PTPRG: variants seen among roughly 807,000 people sequenced by gnomAD.
PTPRG encodes protein tyrosine phosphatase receptor type G, also known as receptor-type tyrosine-protein phosphatase gamma.
In PTPRG, 102 loss-of-function variants were observed where a neutral mutation model predicts 165.3. The ratio of observed to expected loss-of-function variants is 0.62; its 90% confidence interval spans 0.53 to 0.73. The LOEUF is 0.73. Among genes scored for constraint, PTPRG ranks in the 30% least tolerant of loss-of-function variants. PTPRG has a pLI of 0.00. For synonymous variants in PTPRG, 675 were observed against 669.5 expected (o/e 1.01, Z -0.13); for missense variants, 1,866 against 1,861.4 (o/e 1.00, Z -0.05).
At chr3:62,292,720 A>G in intron 29 of PTPRG, 164 bp downstream of exon 29, 1 of 704,620 alleles carries the variant, frequency 1.4e-6, no homozygotes, top group Non-Finnish European at 2.3e-6. Context: ...GATGGCATCT[A>G]GAGGATACAA....
intron 3 of PTPRG, among the ~76,000 whole-genome samples, chr3:61,991,675 C>T (rs551021671): frequency 7.9e-5 from 12 of 152,278 alleles, no homozygotes; most frequent in Non-Finnish European, 2.9e-5. Flanking sequence ...ATGTAGTGGG[C>T]GAGAGCTTTG....
At chr3:62,257,525 C>T (rs1701566249) in intron 16 of PTPRG, among the ~76,000 whole-genome samples, 1 of 152,156 alleles carries the variant, frequency 6.6e-6, no homozygotes, top group South Asian at 2.1e-4. Context: ...CCCCATTTTA[C>T]TGATGACGAA....
At chr3:61,812,213 G>A (rs1185328359) in intron 2 of PTPRG, among the ~76,000 whole-genome samples, 1 of 152,090 alleles carries the variant, frequency 6.6e-6, no homozygotes, top group Non-Finnish European at 1.5e-5. Flanking sequence ...TTGTGTGTGT[G>A]TGTGTGTGTG....
chr3:61,784,060 A>C (rs1226690269), intron 2 of PTPRG, among the ~76,000 whole-genome samples: 1 of 152,218 alleles, frequency 6.6e-6, no homozygotes, highest in Non-Finnish European at 1.5e-5. Flanking sequence ...AATATTAAAG[A>C]AGCTGAAAAA....
At chr3:61,978,507 TAATAA>T (rs10575885) in intron 2 of PTPRG, among the ~76,000 whole-genome samples, 69,865 of 151,648 alleles carry the variant, frequency 0.46, 16,853 homozygotes, top group African/African-American at 0.63. Context: ...AATAAGTTTG[TAATAA>T]AATAAGTGGT....
At chr3:61,653,945 T>G (rs1158560531) in intron 1 of PTPRG, among the ~76,000 whole-genome samples, 3 of 151,554 alleles carry the variant, frequency 2.0e-5, no homozygotes, top group Non-Finnish European at 4.4e-5. Flanking sequence ...CTAATTAAGG[T>G]ACATCATCTG....
chr3:61,592,649 C>CTTT (rs373986933), intron 1 of PTPRG, among the ~76,000 whole-genome samples: 6 of 132,892 alleles, frequency 4.5e-5, no homozygotes, highest in East Asian at 2.1e-4. Flanking sequence ...TTCTTTCTTT[C>CTTT]TTTTTTTTTT....
chr3:62,042,542 T>G (rs945721561), intron 4 of PTPRG, among the ~76,000 whole-genome samples: 1 of 152,150 alleles, frequency 6.6e-6, no homozygotes, highest in African/African-American at 2.4e-5. Flanking sequence ...TGCCTGAAAT[T>G]TTCTTCCTCC....
chr3:61,754,749 A>G (rs533087202), intron 2 of PTPRG, among the ~76,000 whole-genome samples: 2 of 152,354 alleles, frequency 1.3e-5, no homozygotes, highest in South Asian at 4.1e-4. Context: ...AGATATAATT[A>G]AATTCCTAAA....
chr3:61,871,504 C>T (rs1047641193), intron 2 of PTPRG, among the ~76,000 whole-genome samples: 1 of 152,050 alleles, frequency 6.6e-6, no homozygotes, highest in African/African-American at 2.4e-5. Context: ...ACACCCGGCC[C>T]CTTTTACTGT....
intron 5 of PTPRG, among the ~76,000 whole-genome samples, chr3:62,130,352 C>T (rs1703468820): frequency 6.6e-6 from 1 of 152,172 alleles, no homozygotes; most frequent in African/African-American, 2.4e-5. Flanking sequence ...GCATCATGTT[C>T]ACTAATTCTC....
intron 2 of PTPRG, among the ~76,000 whole-genome samples, chr3:61,887,079 A>G (rs2038057663): frequency 6.9e-6 from 1 of 144,390 alleles, no homozygotes; most frequent in Non-Finnish European, 1.5e-5. Context: ...TTTCCACTTA[A>G]GCATTATCTC....
At chr3:62,286,038 A>G (rs1229225853) in intron 28 of PTPRG, among the ~76,000 whole-genome samples, 5 of 152,220 alleles carry the variant, frequency 3.3e-5, no homozygotes, top group African/African-American at 1.2e-4. Context: ...TCGTATTTTA[A>G]CATTTTCTCA....
intron 1 of PTPRG, among the ~76,000 whole-genome samples, chr3:61,683,846 C>T (rs1412201850): frequency 6.6e-6 from 1 of 152,150 alleles, no homozygotes; most frequent in African/African-American, 2.4e-5. Context: ...ATGAAGGAGA[C>T]CTCCCATTCG....
chr3:62,064,092 C>CT (rs1258275815), intron 4 of PTPRG, among the ~76,000 whole-genome samples: 1 of 151,612 alleles, frequency 6.6e-6, no homozygotes, highest in African/African-American at 2.4e-5. Context: ...GGGTTTTGTT[C>CT]TTTTTTGGTT....
intron 1 of PTPRG, among the ~76,000 whole-genome samples, chr3:61,576,077 A>T (rs553033378): frequency 6.6e-6 from 1 of 152,362 alleles, no homozygotes; most frequent in Admixed American, 6.5e-5. Context: ...CACAGCGAAT[A>T]AAGTGGCAGA....
At chr3:61,728,109 G>T (rs138878343) in intron 1 of PTPRG, among the ~76,000 whole-genome samples, 1 of 152,032 alleles carries the variant, frequency 6.6e-6, no homozygotes, top group Non-Finnish European at 1.5e-5. Flanking sequence ...TTTGCCTAGC[G>T]TGCTGGCAAA....
chr3:61,798,418 C>T (rs2035124293), intron 2 of PTPRG, among the ~76,000 whole-genome samples: 1 of 152,128 alleles, frequency 6.6e-6, no homozygotes, highest in Non-Finnish European at 1.5e-5. Flanking sequence ...AGGGTATGGA[C>T]AGTAATATCA....
intron 2 of PTPRG, among the ~76,000 whole-genome samples, chr3:61,987,202 A>G (rs1430265519): frequency 6.6e-6 from 1 of 152,224 alleles, no homozygotes; most frequent in African/African-American, 2.4e-5. Flanking sequence ...AAGTACTCCA[A>G]AGAAGAATTA....
Sources: gnomAD v4.1 joint callset for allele counts (sites outside exome capture counted in the v4.1 genomes callset) on GRCh38, gnomAD v4.1.1 for gene constraint, MANE v1.5 for transcripts, NCBI Gene and HGNC (gene_info 2026-07-23, HGNC 2026-07-21) for gene names.